Variants in WWTR1 observed in about 807,000 individuals in gnomAD.
The protein encoded by WWTR1 is WW domain-containing transcription regulator protein 1.
WWTR1 carries 13 observed loss-of-function variants against 40.1 expected under a neutral mutation model. The observed-to-expected ratio is 0.32, with a 90% confidence interval of 0.21 to 0.52. The LOEUF (loss-of-function observed/expected upper bound fraction) is 0.52, where lower values mean the gene tolerates loss of function less well. Ranked by LOEUF, WWTR1 falls within the 20% of genes least tolerant of loss-of-function variation. WWTR1 has a pLI of 0.97. For synonymous variants in WWTR1, 230 were observed against 210.1 expected, an observed-to-expected ratio of 1.09 and a Z score of -0.82; for missense variants, 436 against 523.1, an observed-to-expected ratio of 0.83 and a Z score of 1.63.
At chr3:149,666,686 T>C (rs1289670797) in intron 2 of WWTR1, among the ~76,000 whole-genome samples, 9 of 152,216 alleles carry the variant, frequency 5.9e-5, no homozygotes, top group Non-Finnish European at 1.3e-4. Flanking sequence ...TAGAACTATT[T>C]TACAGATAAG....
At chr3:149,548,815 C>A (rs1736483530) in intron 3 of WWTR1, among the ~76,000 whole-genome samples, 1 of 152,154 alleles carries the variant, frequency 6.6e-6, no homozygotes, top group African/African-American at 2.4e-5. Flanking sequence ...ACTCTTGGCA[C>A]TTTGAGGTGA....
intron 4 of WWTR1, among the ~76,000 whole-genome samples, chr3:149,530,270 T>A (rs9289793): frequency 3.3e-5 from 5 of 151,544 alleles, no homozygotes; most frequent in African/African-American, 4.9e-5. Context: ...TCACTTGAAT[T>A]TGGGGAGGCG....
chr3:149,588,932 TAG>T (rs1450776349), intron 2 of WWTR1, among the ~76,000 whole-genome samples: 1 of 151,924 alleles, frequency 6.6e-6, no homozygotes, highest in African/African-American at 2.4e-5. Flanking sequence ...TGCTCTGAAC[TAG>T]AGAGAGGCAC....
intron 5 of WWTR1, among the ~76,000 whole-genome samples, chr3:149,709,925 A>G (rs1226954529): frequency 1.3e-5 from 2 of 152,164 alleles, no homozygotes; most frequent in Non-Finnish European, 2.9e-5. Flanking sequence ...AGAAAAGAAA[A>G]GAACTAAGGA....
chr3:149,566,986 C>T (rs192146070), intron 3 of WWTR1, among the ~76,000 whole-genome samples: 4 of 152,094 alleles, frequency 2.6e-5, no homozygotes, highest in Admixed American at 2.0e-4. Flanking sequence ...ATTGAAAATA[C>T]ACTCTAGTTG....
At chr3:149,544,662 C>G (rs763779024) in intron 3 of WWTR1, among the ~76,000 whole-genome samples, 5 of 152,162 alleles carry the variant, frequency 3.3e-5, no homozygotes, top group Non-Finnish European at 7.3e-5. Context: ...TCCTCTTGTA[C>G]CCCGTCCAAC....
At position 149,597,445 on chromosome 3, in the gene WWTR1, A is replaced by AG. The variant is rs1487688814; in HGVS notation, c.432-24446_432-24445insC. Among the ~76,000 whole-genome samples, 55 of 135,948 alleles carry AG rather than the reference A, an allele frequency of 4.0e-4. 1 individual carries two copies. The highest frequency in any genetic ancestry group is 1.7e-3 in the African/African-American group (50 of 29,354). 89.2% of individuals were successfully genotyped at this position (135,948 alleles called of 152,430 possible). ...ACCCCAGCTCTACAAAAAAAAAAAA[A>AG]AAGAAGAAGAAGAAGAAGAAGGAAA... On this transcript the variant is annotated intron_variant, in intron 2 of 6. Transcript: ENST00000360632.
In WWTR1 at chr3:149,551,457, T is replaced by C. The variant is rs192650498; in HGVS notation, c.569-8920A>G. Reference sequence around the variant, plus strand: ...CTTCCTCCTTGGAACAAGTGTTTAATTCAGTTTGATATTTGGGCCAGTAAG... The same window carrying C: ...CTTCCTCCTTGGAACAAGTGTTTAACTCAGTTTGATATTTGGGCCAGTAAG... On this transcript the variant is annotated intron_variant, in intron 3 of 6. Coordinates refer to ENST00000360632, the MANE Select transcript of WWTR1 (RefSeq NM_015472.6). 8.4e-4 allele frequency among the ~76,000 whole-genome samples: 123 copies of C among 146,116 alleles called. 12 individuals carry two copies. Among genetic ancestry groups the C allele is most frequent in the Admixed American group, 8.2e-3 (121 of 14,706 alleles).
At chr3:149,548,348 G>T (rs1736464678) in intron 3 of WWTR1, among the ~76,000 whole-genome samples, 1 of 152,270 alleles carries the variant, frequency 6.6e-6, no homozygotes, top group Non-Finnish European at 1.5e-5. Context: ...AGACGATGAG[G>T]GAGGCCAGTG....
In WWTR1 at chr3:149,722,353, T is replaced by C. The variant is rs111716982; in HGVS notation, n.459+1727A>G. Among the ~76,000 whole-genome samples, 619 of 152,198 alleles carry C rather than the reference T, an allele frequency of 4.1e-3. 7 individuals carry two copies. Among genetic ancestry groups the C allele is most frequent in the African/African-American group, 0.014 (585 of 41,556 alleles). ...AAGTTTAGGTTGTTGATTTAAGACA[T>C]TTATTGTTTTTTTAATGTAAGCTAT... On this transcript the variant is annotated intron_variant and non_coding_transcript_variant, in intron 4 of 6. Coordinates refer to the WWTR1 transcript ENST00000474080.
chr3:149,520,692 G>A lies in WWTR1; in HGVS notation c.*113C>T, dbSNP rs1244739222. The A allele has an allele frequency of 1.4e-5, 14 of 982,764 alleles. No homozygotes were observed. The highest frequency in any genetic ancestry group is 9.0e-5 in the South Asian group (3 of 33,468). 60.9% of individuals were successfully genotyped at this position (982,764 alleles called of 1,614,324 possible). On this transcript the variant is annotated 3_prime_UTR_variant, in exon 7 of 7. Coordinates refer to ENST00000360632, the MANE Select transcript of WWTR1 (RefSeq NM_015472.6). ...TGGCAACATAAAAAGGAGGGAGCACGAGTCATGGAGGCGGGAAGTGGTGCA... is the reference window on the plus strand; with the variant it reads ...TGGCAACATAAAAAGGAGGGAGCACAAGTCATGGAGGCGGGAAGTGGTGCA...
intron 3 of WWTR1, among the ~76,000 whole-genome samples, chr3:149,563,527 A>T (rs1737178662): frequency 6.6e-6 from 1 of 152,152 alleles, no homozygotes; most frequent in African/African-American, 2.4e-5. Context: ...GCATTCACTT[A>T]CCCAATGCTC....
rs9811142 is a variant in WWTR1, at chr3:149,547,582, C to T, written c.569-5045G>A. Reference sequence around the variant, plus strand: ...CCAAATGCAGTATCTGAGGCCAAGCCGGATTAAGGGCAGACTGCCACAAAC... The same window carrying T: ...CCAAATGCAGTATCTGAGGCCAAGCTGGATTAAGGGCAGACTGCCACAAAC... On this transcript the variant is annotated intron_variant, in intron 3 of 6. Transcript: ENST00000360632. Among the ~76,000 whole-genome samples, 501 of 152,044 alleles carry T rather than the reference C, an allele frequency of 3.3e-3. 3 individuals are homozygous for T. Among genetic ancestry groups the T allele is most frequent in the Non-Finnish European group, 5.9e-3 (398 of 67,964 alleles).
intron 2 of WWTR1, among the ~76,000 whole-genome samples, chr3:149,584,443 C>T (rs1458181676): frequency 6.6e-6 from 1 of 152,174 alleles, no homozygotes; most frequent in African/African-American, 2.4e-5. Context: ...CATGACACAA[C>T]TTGAACTGGA....
intron 2 of WWTR1, among the ~76,000 whole-genome samples, chr3:149,641,974 T>C (rs1364144114): frequency 1.3e-5 from 2 of 152,206 alleles, no homozygotes. Context: ...ATAAGATAGC[T>C]AAACTTTTTT....
At chr3:149,528,743 T>C (rs1047196381) in intron 4 of WWTR1, among the ~76,000 whole-genome samples, 2 of 152,064 alleles carry the variant, frequency 1.3e-5, no homozygotes, top group African/African-American at 2.4e-5. Flanking sequence ...TACTCCAGCC[T>C]GGGTGACAGA....
intron 2 of WWTR1, among the ~76,000 whole-genome samples, chr3:149,617,537 TG>T (rs1740041239): frequency 6.6e-6 from 1 of 152,228 alleles, no homozygotes; most frequent in Non-Finnish European, 1.5e-5. Context: ...CAGTGGCTCA[TG>T]CCTATAATCC....
At chr3:149,543,439 G>A (rs950068504) in intron 3 of WWTR1, among the ~76,000 whole-genome samples, 25 of 151,356 alleles carry the variant, frequency 1.7e-4, no homozygotes, top group Non-Finnish European at 2.2e-4. Context: ...ATAATTAGCC[G>A]GGCATGATGG....
rs548680740 is a variant in WWTR1 at position 149,558,820 on chromosome 3, T to C, written c.568+14044A>G. Among the ~76,000 whole-genome samples, 20 of 152,272 alleles carry C rather than the reference T, an allele frequency of 1.3e-4. No homozygotes were observed. The South Asian group carries it at 4.2e-3, about 32-fold the overall frequency. On this transcript the variant is annotated intron_variant, in intron 3 of 6. Coordinates refer to ENST00000360632, the MANE Select transcript of WWTR1 (RefSeq NM_015472.6). ...AGACTTGTTCCAAATTAGAAGAGAT[T>C]ATGGAAACAGGACAACTAAATGCAA... is the stretch of plus-strand genomic sequence containing the variant.
Sources: allele counts gnomAD v4.1 joint callset (sites outside exome capture counted in the v4.1 genomes callset), GRCh38; gene constraint gnomAD v4.1.1; transcripts MANE v1.5; gene names NCBI Gene and HGNC (gene_info 2026-07-23, HGNC 2026-07-21).